GATAD2A: variants seen among roughly 807,000 people sequenced by gnomAD.
GATAD2A encodes GATA zinc finger domain containing 2A, also known as transcriptional repressor p66-alpha.
In GATAD2A, 12 loss-of-function variants were observed where a neutral mutation model predicts 68.5. That is an observed-to-expected ratio of 0.18 (90% confidence interval 0.11 to 0.28). GATAD2A has a LOEUF of 0.28. Among genes scored for constraint, GATAD2A ranks in the 10% least tolerant of loss-of-function variants. GATAD2A has a pLI of 1.00. For synonymous variants in GATAD2A, 410 were observed against 375.3 expected (o/e 1.09, Z -1.07); for missense variants, 755 against 868.5 (o/e 0.87, Z 1.64).
rs532056946 is a variant in GATAD2A, at chr19:19,498,967, G to A, written c.1204+245G>A. On this transcript the variant is annotated intron_variant, in intron 8 of 11. Transcript: ENST00000683918. ...AGGGGGACGGGCAGTAGTGGCCTCC[G>A]TGACGTTGGCGTGTGGTGGGGTAGA... 3.9e-5 allele frequency among the ~76,000 whole-genome samples: 6 copies of A among 152,316 alleles called. No homozygotes were observed. The South Asian group carries it at 1.2e-3, about 32-fold the overall frequency.
chr19:19,403,815 CCAT>C (rs2049965595), upstream of GATAD2A, among the ~76,000 whole-genome samples: 1 of 152,188 alleles, frequency 6.6e-6, no homozygotes, highest in African/African-American at 2.4e-5. Flanking sequence ...TATACAGCCA[CCAT>C]GTTAGGGTGA....
chr19:19,503,073 G>C (rs1334439455), intron 11 of GATAD2A, among the ~76,000 whole-genome samples: 1 of 152,198 alleles, frequency 6.6e-6, no homozygotes, highest in Non-Finnish European at 1.5e-5. Context: ...CCTCCAGTGG[G>C]CTCTCCGGAG....
At chr19:19,420,177 G>GT (rs71170684) in intron 1 of GATAD2A, among the ~76,000 whole-genome samples, 15,327 of 89,834 alleles carry the variant, frequency 0.17, 1,861 homozygotes, top group Middle Eastern at 0.22. Context: ...TATCCAGCTA[G>GT]TTTTTTTTTT....
At chr19:19,387,798 G>A (rs890071932) in intron 1 of GATAD2A, among the ~76,000 whole-genome samples, 1 of 152,090 alleles carries the variant, frequency 6.6e-6, no homozygotes, top group Admixed American at 6.6e-5. Flanking sequence ...GGGGTCCCCA[G>A]TTTCTCCAGA....
upstream of GATAD2A, among the ~76,000 whole-genome samples, chr19:19,404,523 C>CA (rs373782195): frequency 6.7e-4 from 98 of 147,212 alleles, 1 homozygote; most frequent in Admixed American, 1.4e-3. Flanking sequence ...TACTAAAATA[C>CA]AAAAAAAAAA....
In GATAD2A at chr19:19,465,083, A is replaced by T. The variant is rs1438746215; in HGVS notation, c.-6-257A>T. On this transcript the variant is annotated intron_variant, in intron 1 of 11. Coordinates refer to ENST00000683918, the MANE Select transcript of GATAD2A (RefSeq NM_001384528.1). ...CACCCTGCTGCCTCTGGCCCCCAACAGGGCAGGGTGTAGTTTGGCTCCACC... is the reference window on the plus strand; with the variant it reads ...CACCCTGCTGCCTCTGGCCCCCAACTGGGCAGGGTGTAGTTTGGCTCCACC... 5.4e-6 allele frequency: 3 copies of T among 560,056 alleles called. No homozygotes were observed. In the East Asian group the frequency reaches 9.1e-5, roughly 17 times the overall value. 34.7% of individuals were successfully genotyped at this position (560,056 alleles called of 1,614,324 possible). A position where few individuals can be genotyped will look rare whatever the true frequency, so the allele number is the denominator to read the frequency against.
chr19:19,465,211 T>C, intron 1 of GATAD2A, 129 bp from the exon 2 acceptor site: 2 of 728,020 alleles, frequency 2.7e-6, no homozygotes, highest in Non-Finnish European at 4.8e-6. Context: ...GGCCCTGCGT[T>C]TGTTGTACAT....
chr19:19,490,760 C>G (rs2059740084), intron 2 of GATAD2A, among the ~76,000 whole-genome samples: 1 of 152,146 alleles, frequency 6.6e-6, no homozygotes, highest in African/African-American at 2.4e-5. Flanking sequence ...ATGGTGCATG[C>G]CTGTAATCCA....
intron 1 of GATAD2A, among the ~76,000 whole-genome samples, chr19:19,455,336 A>G (rs2147881317): frequency 6.6e-6 from 1 of 151,882 alleles, no homozygotes; most frequent in East Asian, 1.9e-4. Context: ...CTAAAATACA[A>G]AAAGTTAGCC....
chr19:19,503,031 G>C (rs1200982336), intron 11 of GATAD2A, among the ~76,000 whole-genome samples: 1 of 152,260 alleles, frequency 6.6e-6, no homozygotes, highest in Non-Finnish European at 1.5e-5. Context: ...GCCGGAGACG[G>C]TGTTTGAAGA....
chr19:19,429,098 G>A (rs1298940148), intron 1 of GATAD2A: 2 of 652,874 alleles, frequency 3.1e-6, no homozygotes, highest in East Asian at 1.4e-4. Context: ...TCCCCATTTT[G>A]TAGTCTCCTC....
intron 1 of GATAD2A, among the ~76,000 whole-genome samples, chr19:19,429,021 T>G (rs1445529758): frequency 2.0e-5 from 3 of 150,812 alleles, no homozygotes; most frequent in Non-Finnish European, 4.4e-5. Flanking sequence ...TTGTATGTTT[T>G]TTTTTTTTTT....
At chr19:19,476,393 G>T (rs982204111) in intron 2 of GATAD2A, among the ~76,000 whole-genome samples, 5 of 152,208 alleles carry the variant, frequency 3.3e-5, no homozygotes, top group Admixed American at 2.6e-4. Flanking sequence ...TCACTGACAG[G>T]CTTCTCTTCC....
chr19:19,506,729 C>G lies in GATAD2A; in HGVS notation c.*1255C>G, dbSNP rs780434922. On this transcript the variant is annotated 3_prime_UTR_variant, in exon 12 of 12. Transcript: ENST00000683918. ...CGTCCCACTCTTTAAAAACTGGTTC[C>G]GTGAGGAAAGGCAGAAGCCGTTCCG... 2 of 152,068 alleles carry G rather than the reference C, an allele frequency of 1.3e-5. No individual in the cohort carries two copies. The highest frequency in any genetic ancestry group is 4.8e-5 in the African/African-American group (2 of 41,386). The allele number at this position is 152,068 out of a possible 1,614,324, so 9.4% of individuals were successfully genotyped here.
intron 1 of GATAD2A, among the ~76,000 whole-genome samples, chr19:19,420,005 CT>C (rs397859927): frequency 0.11 from 7,432 of 68,426 alleles, 93 homozygotes; most frequent in Middle Eastern, 0.17. Context: ...ACCATCTTGA[CT>C]TTTTTTTTTT....
intron 1 of GATAD2A, among the ~76,000 whole-genome samples, chr19:19,409,789 C>T (rs1257677231): frequency 1.3e-5 from 2 of 152,304 alleles, no homozygotes; most frequent in African/African-American, 4.8e-5. Flanking sequence ...AGCATGGGTT[C>T]CCCAGCATCC....
chr19:19,455,489 T>C (rs1443927903), intron 1 of GATAD2A, among the ~76,000 whole-genome samples: 1 of 151,920 alleles, frequency 6.6e-6, no homozygotes, highest in Non-Finnish European at 1.5e-5. Flanking sequence ...AGCAAGACTC[T>C]GGGTCTTAAA....
rs1009297580 is a variant in GATAD2A at position 19,493,234 on chromosome 19, C to T, written c.534+522C>T. ...GATTACAGGCGTGAGCCACTGTGCC[C>T]GCCCTAAAGCTCACTTAGACAACAG... On this transcript the variant is annotated intron_variant, in intron 4 of 11. Coordinates refer to ENST00000683918, the MANE Select transcript of GATAD2A (RefSeq NM_001384528.1). 4.6e-5 allele frequency among the ~76,000 whole-genome samples: 7 copies of T among 152,308 alleles called. No individual in the cohort carries two copies. The East Asian group carries it at 9.7e-4, about 21-fold the overall frequency.
At chr19:19,412,454 C>G (rs977201538) in intron 1 of GATAD2A, among the ~76,000 whole-genome samples, 1 of 151,758 alleles carries the variant, frequency 6.6e-6, no homozygotes, top group Admixed American at 6.6e-5. Context: ...CGTGCCCGGC[C>G]GATTCCCCAT....
Sources: allele counts gnomAD v4.1 joint callset (sites outside exome capture counted in the v4.1 genomes callset), GRCh38; gene constraint gnomAD v4.1.1; transcripts MANE v1.5; gene names NCBI Gene and HGNC (gene_info 2026-07-23, HGNC 2026-07-21).